The following SLC13A3 variants were observed in gnomAD, a reference collection of about 807,000 sequenced individuals.
SLC13A3 encodes Na(+)/dicarboxylate cotransporter 3.
In SLC13A3, 40 loss-of-function variants were observed where a neutral mutation model predicts 59.0. That is an observed-to-expected ratio of 0.68 (90% CI 0.53 to 0.88). The LOEUF is 0.88. SLC13A3 is among the 40% of genes least tolerant of loss of function. The pLI is 0.00. For missense variants in SLC13A3, 699 were observed against 783.2 expected (o/e 0.89, Z 1.28); for synonymous variants, 317 against 330.3 (o/e 0.96, Z 0.44).
rs1362680924 is a variant in SLC13A3, at chr20:46,584,416, A to C, written c.1122-747T>G. On this transcript the variant is annotated intron_variant, in intron 8 of 12. Transcript: ENST00000279027. ...TGGTTAAATAAATTGAAGTGCTCCC[A>C]TTCTGTAGACCCTGGCCTGAAACTC... The C allele has an allele frequency of 9.1e-6, 9 of 985,354 alleles. No homozygotes were observed. The East Asian group carries it at 1.0e-3, about 112-fold the overall frequency. 61.0% of individuals were successfully genotyped at this position (985,354 alleles called of 1,614,324 possible).
At chr20:46,620,268 T>G (rs577616964) in intron 1 of SLC13A3, among the ~76,000 whole-genome samples, 15 of 152,296 alleles carry the variant, frequency 9.8e-5, no homozygotes, top group African/African-American at 3.6e-4. Flanking sequence ...AATGAGAAAA[T>G]TGAGGCACAG....
chr20:46,598,182 C>A (rs1017904257), intron 4 of SLC13A3, among the ~76,000 whole-genome samples: 2 of 152,126 alleles, frequency 1.3e-5, no homozygotes, highest in African/African-American at 2.4e-5. Flanking sequence ...TGAATCACTA[C>A]ATAAGGGACT....
At chr20:46,568,944 C>T (rs181732831) in intron 10 of SLC13A3, among the ~76,000 whole-genome samples, 1 of 152,182 alleles carries the variant, frequency 6.6e-6, no homozygotes. Flanking sequence ...TAGGGTTCTA[C>T]TGGGGACTCT....
At chr20:46,568,383 G>A (rs2061999181) in intron 10 of SLC13A3, among the ~76,000 whole-genome samples, 1 of 114,660 alleles carries the variant, frequency 8.7e-6, no homozygotes, top group Non-Finnish European at 1.6e-5. Context: ...GGGTGACAGA[G>A]AGAGCGAGAC....
intron 1 of SLC13A3, among the ~76,000 whole-genome samples, chr20:46,667,341 A>G (rs1252044079): frequency 6.6e-6 from 1 of 152,202 alleles, no homozygotes; most frequent in Non-Finnish European, 1.5e-5. Flanking sequence ...TCCATGCCCC[A>G]AAGTCTGAGT....
intron 5 of SLC13A3, among the ~76,000 whole-genome samples, chr20:46,594,190 G>T (rs948218920): frequency 4.7e-5 from 7 of 149,882 alleles, no homozygotes; most frequent in Non-Finnish European, 4.4e-5. Context: ...TCCCACATTT[G>T]ATATTTTTAC....
At chr20:46,663,380 G>C (rs145294195) in intron 1 of SLC13A3, among the ~76,000 whole-genome samples, 2 of 151,940 alleles carry the variant, frequency 1.3e-5, no homozygotes, top group African/African-American at 4.8e-5. Context: ...AGGAGGCGAA[G>C]GGTACAATGA....
chr20:46,585,136 A>C, intron 8 of SLC13A3: 6 of 984,722 alleles, frequency 6.1e-6, no homozygotes, highest in Non-Finnish European at 7.2e-6. Context: ...GAGTCCAAGA[A>C]AATAAAATTA....
At chr20:46,583,349 A>G (rs2062158012) in intron 9 of SLC13A3, 2 of 1,232,322 alleles carry the variant, frequency 1.6e-6, no homozygotes, top group Admixed American at 3.8e-5. Flanking sequence ...AAAAACAGAT[A>G]GCAGGCTGGA....
chr20:46,665,653 C>T (rs1180800664), intron 1 of SLC13A3, among the ~76,000 whole-genome samples: 2 of 152,192 alleles, frequency 1.3e-5, no homozygotes, highest in Non-Finnish European at 2.9e-5. Flanking sequence ...TCAGTTAATA[C>T]ACATTTGGAC....
chr20:46,595,489 C>G (rs931337385), intron 5 of SLC13A3, among the ~76,000 whole-genome samples: 2 of 152,160 alleles, frequency 1.3e-5, no homozygotes, highest in Non-Finnish European at 2.9e-5. Flanking sequence ...CACTGGGGGA[C>G]CCTGCTTATG....
chr20:46,584,182 G>A, intron 8 of SLC13A3: 2 of 985,380 alleles, frequency 2.0e-6, no homozygotes, highest in Non-Finnish European at 1.2e-6. Flanking sequence ...GTGTCCTTTA[G>A]GGGAGTTTTG....
intron 1 of SLC13A3, among the ~76,000 whole-genome samples, chr20:46,644,464 A>T (rs2062875161): frequency 1.3e-5 from 2 of 152,194 alleles, no homozygotes; most frequent in Non-Finnish European, 2.9e-5. Flanking sequence ...AATTTCAAAG[A>T]TCCCAACCAG....
chr20:46,651,398 G>C lies in SLC13A3; in HGVS notation c.24C>G (p.Ala8=). Residue 8 remains alanine, a synonymous_variant, in exon 1 of 13, where the codon GCC becomes GCG. Coordinates refer to ENST00000279027, the MANE Select transcript of SLC13A3 (RefSeq NM_022829.6). ...GCCGCCGCGCGCTCCACACCTTCTT[G>C]GCCGCTGCTGCCAGCGCCGCCATCA... is the stretch of plus-strand genomic sequence containing the variant. MAALAAA[A]KKVWSARRLL... 6.7e-7 allele frequency: 1 copy of C among 1,497,250 alleles called. No homozygotes were observed. The highest frequency in any genetic ancestry group is 1.3e-5 in the South Asian group (1 of 79,114). 92.7% of individuals were successfully genotyped at this position (1,497,250 alleles called of 1,614,324 possible).
At chr20:46,605,117 C>G (rs969399589) in intron 3 of SLC13A3, among the ~76,000 whole-genome samples, 5 of 152,152 alleles carry the variant, frequency 3.3e-5, no homozygotes, top group Admixed American at 2.6e-4. Flanking sequence ...ATAAATAAGG[C>G]AGTGAAGGGT....
At chr20:46,648,878 CTG>C (rs577384340) in intron 1 of SLC13A3, among the ~76,000 whole-genome samples, 312 of 151,744 alleles carry the variant, frequency 2.1e-3, no homozygotes, top group African/African-American at 7.4e-3. Flanking sequence ...GCACTCCAGC[CTG>C]TGTTACAGAG....
chr20:46,566,138 G>C (rs990201115), intron 11 of SLC13A3, 91 bp downstream of exon 11: 12 of 1,047,410 alleles, frequency 1.1e-5, no homozygotes, highest in Non-Finnish European at 1.6e-5. Flanking sequence ...AATGGCAACT[G>C]TGGCCCCCAG....
chr20:46,656,163 TAC>T (rs984517132), upstream of SLC13A3, among the ~76,000 whole-genome samples: 2 of 143,808 alleles, frequency 1.4e-5, no homozygotes, highest in African/African-American at 5.0e-5. Context: ...TAATAGACTG[TAC>T]AGTCTGTATT....
In SLC13A3 at chr20:46,592,486, T is replaced by G. The variant is rs1018133318; in HGVS notation, c.838A>C (p.Ile280Leu). The change falls in exon 6 of 13, where the codon ATT (isoleucine) becomes CTT (leucine). Residue 280 changes from isoleucine to leucine, a missense_variant. Ile to Leu is a conservative substitution (Grantham distance 5). Transcript: ENST00000279027. ...CDVVNFGSWF[I>L]FAFPLMLLFL... is the part of the protein sequence containing the mutation. The stretch of plus-strand genomic sequence containing the variant: ...AACAGCATAAGAGGGAAGGCGAAAA[T>G]GAACCAGGAGCCGAAATTCACCACG... 3 of 1,613,450 alleles carry G rather than the reference T, an allele frequency of 1.9e-6. No individual in the cohort carries two copies. The highest frequency in any genetic ancestry group is 1.7e-5 in the Admixed American group (1 of 59,952).
Sources: allele counts gnomAD v4.1 joint callset (sites outside exome capture counted in the v4.1 genomes callset), GRCh38; gene constraint gnomAD v4.1.1; transcripts MANE v1.5; gene names NCBI Gene and HGNC (gene_info 2026-07-23, HGNC 2026-07-21).